DOCK11: variants seen among roughly 807,000 people sequenced by gnomAD.
DOCK11 encodes the protein dedicator of cytokinesis protein 11.
DOCK11 carries 70 observed loss-of-function variants against 169.1 expected under a neutral mutation model. The ratio of observed to expected loss-of-function variants is 0.41; its 90% CI spans 0.34 to 0.51. The LOEUF is 0.51. Ranked by LOEUF, DOCK11 falls within the 20% of genes least tolerant of loss-of-function variation. The pLI is 0.10. For missense variants in DOCK11, 1,166 were observed against 1,538.8 expected, an observed-to-expected ratio of 0.76 and a Z score of 4.05; for synonymous variants, 529 against 541.3, an observed-to-expected ratio of 0.98 and a Z score of 0.32.
At chrX:118,681,008 T>G in intron 49 of DOCK11, 50 bp from the exon 50 acceptor site, 1 of 1,071,488 alleles carries the variant, frequency 9.3e-7, no homozygotes, top group Non-Finnish European at 1.2e-6. Flanking sequence ...TTTGGCTGTT[T>G]GAACAAATGA....
chrX:118,546,209 G>GC lies in DOCK11; in HGVS notation c.558+94dup, dbSNP rs200804441. Reference sequence around the variant, plus strand: ...AATATTTATTTTACAAAGAGCCCTAGCAAAAAAAAAAAAAAAAAAAAAGGA... The same window carrying GC: ...AATATTTATTTTACAAAGAGCCCTAGCCAAAAAAAAAAAAAAAAAAAAAGGA... On this transcript the variant is annotated intron_variant, in intron 6 of 52. Coordinates refer to ENST00000276202, the MANE Select transcript of DOCK11 (RefSeq NM_144658.4). 171 of 18,976 alleles carry GC rather than the reference G, an allele frequency of 9.0e-3. 12 individuals carry two copies. Among genetic ancestry groups the GC allele is most frequent in the Middle Eastern group, 0.043 (1 of 23 alleles). 1.6% of individuals were successfully genotyped at this position (18,976 alleles called of 1,213,427 possible). A position where few individuals can be genotyped will look rare whatever the true frequency, so the allele number is the denominator to read the frequency against.
chrX:118,656,990 G>A (rs915440097), intron 44 of DOCK11, among the ~76,000 whole-genome samples: 1 of 111,843 alleles, frequency 8.9e-6, no homozygotes, highest in African/African-American at 3.2e-5. Context: ...GTCTAAAACT[G>A]TACTTTTTAG....
At chrX:118,655,238 T>G (rs1339604475) in intron 44 of DOCK11, among the ~76,000 whole-genome samples, 1 of 111,103 alleles carries the variant, frequency 9.0e-6, no homozygotes, top group Non-Finnish European at 1.9e-5. Flanking sequence ...AGGCCAAGGC[T>G]GGAGGATTGC....
Position 118,573,792 on chromosome X carries a change from G to C in DOCK11, c.1177-14G>C. 8.4e-7 allele frequency: 1 copy of C among 1,189,909 alleles called. No homozygotes were observed. Among genetic ancestry groups the C allele is most frequent in the Non-Finnish European group, 1.1e-6 (1 of 880,754 alleles). On this transcript the variant is annotated splice_polypyrimidine_tract_variant and intron_variant, in intron 11 of 52. Coordinates refer to ENST00000276202, the MANE Select transcript of DOCK11 (RefSeq NM_144658.4). The stretch of plus-strand genomic sequence containing the variant: ...AAAGTCTCAGTTTTAAAATGTAACT[G>C]TTTTCATTCCCAGGTTGAGCCCTTT...
rs185383365 is a variant in DOCK11 at position 118,684,129 on chromosome X, T to C, written c.6102+912T>C. On this transcript the variant is annotated intron_variant, in intron 52 of 52. Transcript: ENST00000276202. ...TTAATGTGTACTGAAATTTGAAATATTCTCTTGAGCTCCATAAATGATTAC... is the reference window on the plus strand; with the variant it reads ...TTAATGTGTACTGAAATTTGAAATACTCTCTTGAGCTCCATAAATGATTAC... Among the ~76,000 whole-genome samples, 5 of 111,510 alleles carry C rather than the reference T, an allele frequency of 4.5e-5. No homozygotes were observed. In the South Asian group the frequency reaches 1.5e-3, roughly 33 times the overall value.
intron 41 of DOCK11, among the ~76,000 whole-genome samples, chrX:118,650,579 C>T (rs1029571224): frequency 1.8e-5 from 2 of 111,673 alleles, no homozygotes; most frequent in African/African-American, 6.5e-5. Flanking sequence ...TAAAAGTCTG[C>T]TATATAATTA....
At chrX:118,670,628 A>G (rs1394263424) in intron 45 of DOCK11, among the ~76,000 whole-genome samples, 1 of 112,074 alleles carries the variant, frequency 8.9e-6, no homozygotes, top group Non-Finnish European at 1.9e-5. Context: ...TAAGACTAAT[A>G]TGGGTAAATA....
In DOCK11 at chrX:118,572,361, A is replaced by G; in HGVS notation, c.1074A>G (p.Pro358=). 1 of 1,205,882 alleles carries G rather than the reference A, an allele frequency of 8.3e-7. No homozygotes were observed. Among genetic ancestry groups the G allele is most frequent in the Non-Finnish European group, 1.1e-6 (1 of 891,448 alleles). The stretch of plus-strand genomic sequence containing the variant: ...CAGGAATTGAACCTGATATAAAGCC[A>G]TTTGAAGAAAAATGCAATAAACGTT... ...DFSGIEPDIK[P]FEEKCNKRFL... Residue 358 remains proline, a synonymous_variant, in exon 11 of 53, where the codon CCA becomes CCG. Transcript: ENST00000276202.
intron 16 of DOCK11, among the ~76,000 whole-genome samples, chrX:118,587,757 C>A (rs962847716): frequency 6.3e-5 from 7 of 111,877 alleles, no homozygotes; most frequent in Non-Finnish European, 1.3e-4. Flanking sequence ...ATAAATTTAC[C>A]GTTATTTCCC....
At chrX:118,515,172 C>T (rs1269554291) in intron 1 of DOCK11, among the ~76,000 whole-genome samples, 3 of 112,088 alleles carry the variant, frequency 2.7e-5, no homozygotes, top group Non-Finnish European at 5.6e-5. Context: ...CTTGTGATGG[C>T]ATTTAGAGTC....
intron 1 of DOCK11, among the ~76,000 whole-genome samples, chrX:118,538,879 G>T (rs1342913871): frequency 8.9e-6 from 1 of 112,254 alleles, no homozygotes; most frequent in Non-Finnish European, 1.9e-5. Context: ...AGTTAGATAA[G>T]GGATATGATG....
chrX:118,546,222 A>AAAAAAAAAAAAAG (rs1477447554), intron 6 of DOCK11, 106 bp downstream of exon 6: 1 of 407,831 alleles, frequency 2.5e-6, no homozygotes, highest in Admixed American at 4.9e-5. Flanking sequence ...AAAAAAAAAA[A>AAAAAAAAAAAAAG]AAAAAAAAAG....
At chrX:118,554,751 G>A (rs2012623441) in intron 6 of DOCK11, among the ~76,000 whole-genome samples, 1 of 111,430 alleles carries the variant, frequency 9.0e-6, no homozygotes, top group Non-Finnish European at 1.9e-5. Context: ...CAGGCAATAT[G>A]TATAAGGCAG....
intron 36 of DOCK11, among the ~76,000 whole-genome samples, chrX:118,637,018 T>C (rs2093065865): frequency 8.9e-6 from 1 of 112,468 alleles, no homozygotes; most frequent in African/African-American, 3.2e-5. Context: ...TTTAAATAAA[T>C]AGTACACGTA....
At chrX:118,611,301 G>T (rs1006672710) in intron 28 of DOCK11, among the ~76,000 whole-genome samples, 1 of 112,131 alleles carries the variant, frequency 8.9e-6, no homozygotes. Context: ...ATCCCCCAAT[G>T]AAATGACAAA....
chrX:118,554,480 G>A (rs1322958735), intron 6 of DOCK11, among the ~76,000 whole-genome samples: 3 of 111,491 alleles, frequency 2.7e-5, no homozygotes, highest in Non-Finnish European at 5.7e-5. Flanking sequence ...AACCCGAGAG[G>A]CAGAGGTTGC....
At chrX:118,549,752 A>G (rs1037038284) in intron 6 of DOCK11, among the ~76,000 whole-genome samples, 6 of 110,071 alleles carry the variant, frequency 5.5e-5, no homozygotes, top group African/African-American at 2.0e-4. Flanking sequence ...TTTTTGATAG[A>G]GATGGGGTCT....
rs1297284199 is a variant in DOCK11 at position 118,529,807 on chromosome X, G to T, written c.103-12918G>T. ...CAGCCTCTTGGGGTCTTGAGGTGGG[G>T]GGAGTAGACATAACCAGGCAGAGAG... On this transcript the variant is annotated intron_variant, in intron 1 of 52. Coordinates refer to ENST00000276202, the MANE Select transcript of DOCK11 (RefSeq NM_144658.4). Among the ~76,000 whole-genome samples the T allele has an allele frequency of 2.7e-5, 3 of 111,095 alleles. No homozygotes were observed. The South Asian group carries it at 1.1e-3, about 43-fold the overall frequency.
intron 1 of DOCK11, among the ~76,000 whole-genome samples, chrX:118,511,804 G>T (rs959231816): frequency 2.9e-4 from 32 of 112,073 alleles, no homozygotes; most frequent in African/African-American, 9.1e-4. Flanking sequence ...TGGCTCCCCT[G>T]GCTGAGGGAG....
Sources: allele counts gnomAD v4.1 joint callset (sites outside exome capture counted in the v4.1 genomes callset), GRCh38; gene constraint gnomAD v4.1.1; transcripts MANE v1.5; gene names NCBI Gene and HGNC (gene_info 2026-07-23, HGNC 2026-07-21).